Variants in RBM15B observed in about 807,000 individuals in gnomAD.
RBM15B encodes putative RNA-binding protein 15B.
RBM15B carries 11 observed loss-of-function variants against 53.3 expected under a neutral mutation model. The observed-to-expected ratio is 0.21, with a 90% confidence interval of 0.13 to 0.34. The LOEUF is 0.34. Ranked by LOEUF, RBM15B falls within the 10% of genes least tolerant of loss-of-function variation. The probability of loss-of-function intolerance (pLI) is 1.00; values close to 1 mark genes in which losing one functional copy is unlikely to be tolerated. For synonymous variants in RBM15B, 631 were observed against 540.7 expected (o/e 1.17, Z -2.32); for missense variants, 1,136 against 1,250.3 (o/e 0.91, Z 1.38).
Position 51,392,620 on chromosome 3 carries a change from T to A in RBM15B, c.1221T>A (p.Ile407=). Residue 407 remains isoleucine, a synonymous_variant, in exon 1 of 1, where the codon ATT becomes ATA. Coordinates refer to ENST00000563281, the MANE Select transcript of RBM15B (RefSeq NM_013286.5). The surrounding 1 kb of genome is among the most constrained non-coding windows in gnomAD (Gnocchi z 7.5). The part of the protein sequence containing the change: ...MSGRVIGRNP[I]KIGYGKANPT... The stretch of plus-strand genomic sequence containing the variant: ...GCCGAGTGATTGGTCGCAACCCCAT[T>A]AAGATAGGCTATGGCAAGGCCAACC... 1 of 1,614,000 alleles carries A rather than the reference T, an allele frequency of 6.2e-7. No homozygotes were observed. Among genetic ancestry groups the A allele is most frequent in the African/African-American group, 1.3e-5 (1 of 75,028 alleles).
rs2089064779 is a variant in RBM15B, at chr3:51,393,001, A to G, written c.1602A>G (p.Pro534=). The G allele has an allele frequency of 1.9e-6, 3 of 1,613,696 alleles. No homozygotes were observed. Among genetic ancestry groups the G allele is most frequent in the Non-Finnish European group, 2.5e-6 (3 of 1,179,954 alleles). The part of the protein sequence containing the change: ...DADLVRDRTP[P]HLLYSDRDRT... ...ACCTGGTGCGGGACAGGACGCCCCC[A>G]CACCTTCTGTACTCAGACCGAGACC... Residue 534 remains proline (P), a synonymous_variant, in exon 1 of 1, where the codon CCA becomes CCG. Coordinates refer to ENST00000563281, the MANE Select transcript of RBM15B (RefSeq NM_013286.5). The surrounding 1 kb of genome is among the most constrained non-coding windows in gnomAD (Gnocchi z 5.6).
rs1193872143 is a variant in RBM15B at position 51,393,481 on chromosome 3, G to A, written c.2082G>A (p.Glu694=). Reference sequence around the variant, plus strand: ...GCAATCACCGGACCACAGAGGCCGAGCCCAAGCCTCTGGAAGAGCCAAAAC... The same window carrying A: ...GCAATCACCGGACCACAGAGGCCGAACCCAAGCCTCTGGAAGAGCCAAAAC... ...SERNHRTTEA[E]PKPLEEPKHE... Residue 694 remains glutamate, a synonymous_variant, in exon 1 of 1, where the codon GAG becomes GAA. Coordinates refer to ENST00000563281, the MANE Select transcript of RBM15B (RefSeq NM_013286.5). This position sits in a 1 kb window ranked among gnomAD's most constrained non-coding sequence, Gnocchi z 5.6. The A allele has an allele frequency of 1.2e-6, 2 of 1,613,860 alleles. No individual in the cohort carries two copies. The highest frequency in any genetic ancestry group is 1.1e-5 in the South Asian group (1 of 91,088).
Position 51,393,356 on chromosome 3 carries a change from C to A in RBM15B, c.1957C>A (p.Leu653Ile). ...EGTKESSSNS[L>I]SNSRHGAEER... ...GACCAAGGAGTCCAGCAGCAACTCC[C>A]TCAGCAACAGCAGACATGGGGCTGA... The change falls in exon 1 of 1, where the codon CTC becomes ATC. Residue 653 changes from leucine (L) to isoleucine (I), a missense_variant. Coordinates refer to ENST00000563281, the MANE Select transcript of RBM15B (RefSeq NM_013286.5). This position sits in a 1 kb window ranked among gnomAD's most constrained non-coding sequence, Gnocchi z 5.6. The A allele has an allele frequency of 6.2e-7, 1 of 1,613,040 alleles. No homozygotes were observed. The highest frequency in any genetic ancestry group is 2.2e-5 in the East Asian group (1 of 44,842).
Position 51,393,272 on chromosome 3 carries a change from G to A in RBM15B, c.1873G>A (p.Glu625Lys). Reference sequence around the variant, plus strand: ...GACCAAGGGCAGTGGGCAGCAGTCAGAGCGGGGCTCCGACCGCACCCCTGA... The same window carrying A: ...GACCAAGGGCAGTGGGCAGCAGTCAAAGCGGGGCTCCGACCGCACCCCTGA... ...SRTKGSGQQS[E>K]RGSDRTPERS... The change falls in exon 1 of 1, where the codon GAG (glutamate) becomes AAG (lysine). Residue 625 changes from glutamate (E) to lysine (K), a missense_variant. Physicochemically the swap from Glu to Lys is moderately conservative, Grantham distance 56. Around this residue, in one of 7 missense-constraint regions of RBM15B, gnomAD observed 578 missense variants for 581.6 expected, o/e 0.99. Coordinates refer to ENST00000563281, the MANE Select transcript of RBM15B (RefSeq NM_013286.5). This position sits in a 1 kb window ranked among gnomAD's most constrained non-coding sequence, Gnocchi z 5.6. 6.2e-7 allele frequency: 1 copy of A among 1,612,548 alleles called. No homozygotes were observed. Among genetic ancestry groups the A allele is most frequent in the Non-Finnish European group, 8.5e-7 (1 of 1,179,348 alleles).
rs898812837 is a variant in RBM15B, at chr3:51,394,179, A to G, written c.*107A>G. 6 of 1,263,924 alleles carry G rather than the reference A, an allele frequency of 4.7e-6. No individual in the cohort carries two copies. The highest frequency in any genetic ancestry group is 7.8e-5 in the Admixed American group (2 of 25,716). The allele number at this position is 1,263,924 out of a possible 1,614,324, so 78.3% of individuals were successfully genotyped here. On this transcript the variant is annotated 3_prime_UTR_variant, in exon 1 of 1. Transcript: ENST00000563281. ...TTTGGTTTGAATTATCTCCTGGGTT[A>G]TTTTGGTTCATTTGGGTGGGGATCA...
In RBM15B at chr3:51,395,751, GGT is replaced by G. The variant is rs2089159431; in HGVS notation, c.*1680_*1681del. ...TGGGGCTCACTGCAGGCTGTGGAGA[GGT>G]CATGCTGGTCCACAGGAACACTTGG... On this transcript the variant is annotated 3_prime_UTR_variant, in exon 1 of 1. Coordinates refer to ENST00000563281, the MANE Select transcript of RBM15B (RefSeq NM_013286.5). 7 of 413,354 alleles carry G rather than the reference GGT, an allele frequency of 1.7e-5. No homozygotes were observed. Among genetic ancestry groups the G allele is most frequent in the Non-Finnish European group, 3.1e-5 (7 of 226,150 alleles). 25.6% of individuals were successfully genotyped at this position (413,354 alleles called of 1,614,324 possible). A position where few individuals can be genotyped will look rare whatever the true frequency, so the allele number is the denominator to read the frequency against.
rs143687792 is a variant in RBM15B, at chr3:51,393,478, C to T, written c.2079C>T (p.Ala693=). Residue 693 remains alanine (A), a synonymous_variant, in exon 1 of 1, where the codon GCC becomes GCT. Coordinates refer to ENST00000563281, the MANE Select transcript of RBM15B (RefSeq NM_013286.5). The surrounding 1 kb of genome is among the most constrained non-coding windows in gnomAD (Gnocchi z 5.6). ...DSERNHRTTE[A]EPKPLEEPKH... is the part of the protein sequence containing the mutation. ...AGCGCAATCACCGGACCACAGAGGC[C>T]GAGCCCAAGCCTCTGGAAGAGCCAA... The T allele has an allele frequency of 4.3e-6, 7 of 1,613,904 alleles. No individual in the cohort carries two copies. The highest frequency in any genetic ancestry group is 2.2e-5 in the East Asian group (1 of 44,878).
At position 51,393,307 on chromosome 3, in the gene RBM15B, C is replaced by T; in HGVS notation, c.1908C>T (p.Arg636=). 1 of 1,610,070 alleles carries T rather than the reference C, an allele frequency of 6.2e-7. No individual in the cohort carries two copies. The highest frequency in any genetic ancestry group is 8.5e-7 in the Non-Finnish European group (1 of 1,178,254). The part of the protein sequence containing the change: ...RGSDRTPERS[R]KENHSSEGTK... The stretch of plus-strand genomic sequence containing the variant: ...CCGACCGCACCCCTGAGCGCAGCCG[C>T]AAGGAGAACCACTCCAGTGAAGGGA... The change falls in exon 1 of 1, where the codon CGC becomes CGT. Residue 636 remains arginine (R), a synonymous_variant. Coordinates refer to ENST00000563281, the MANE Select transcript of RBM15B (RefSeq NM_013286.5). The surrounding 1 kb of genome is among the most constrained non-coding windows in gnomAD (Gnocchi z 5.6).
In RBM15B at chr3:51,392,263, G is replaced by A. The variant is rs1006017481; in HGVS notation, c.864G>A (p.Leu288=). 6 of 1,600,514 alleles carry A rather than the reference G, an allele frequency of 3.7e-6. No homozygotes were observed. Among genetic ancestry groups the A allele is most frequent in the Non-Finnish European group, 4.2e-6 (5 of 1,176,886 alleles). ...GTCACGCCGCCGCAGCCTTCGCCCT[G>A]GATGCCGCTGCTGCCGCCGCCGTGG... is the stretch of plus-strand genomic sequence containing the variant. ...RARHAAAAFA[L]DAAAAAAVGL... The change falls in exon 1 of 1, where the codon CTG becomes CTA. Residue 288 remains leucine, a synonymous_variant. Coordinates refer to ENST00000563281, the MANE Select transcript of RBM15B (RefSeq NM_013286.5). This position sits in a 1 kb window ranked among gnomAD's most constrained non-coding sequence, Gnocchi z 7.5.
rs150568658 is a variant in RBM15B, at chr3:51,396,197, G to A, written c.*2125G>A. 29 of 355,398 alleles carry A rather than the reference G, an allele frequency of 8.2e-5. No individual in the cohort carries two copies. The highest frequency in any genetic ancestry group is 5.2e-4 in the African/African-American group (25 of 47,724). 22.0% of individuals were successfully genotyped at this position (355,398 alleles called of 1,614,324 possible). A position where few individuals can be genotyped will look rare whatever the true frequency, so the allele number is the denominator to read the frequency against. ...AGAATCATCTACCTCCCAGCTTTGT[G>A]AGACAGAACCAAGTAAAAGGAAACA... On this transcript the variant is annotated 3_prime_UTR_variant, in exon 1 of 1. Transcript: ENST00000563281.
chr3:51,392,219 C>T lies in RBM15B; in HGVS notation c.820C>T (p.Leu274=), dbSNP rs782004110. The change falls in exon 1 of 1, where the codon CTG becomes TTG. Residue 274 remains leucine, a synonymous_variant. Transcript: ENST00000563281. This position sits in a 1 kb window ranked among gnomAD's most constrained non-coding sequence, Gnocchi z 7.5. ...GCTGTCCCCCGTCGCTGCCCCGCCC[C>T]TGCGGGAGCCCCGTGCCCGTCACGC... ...RSLSPVAAPP[L]REPRARHAAA... is the part of the protein sequence containing the mutation. The T allele has an allele frequency of 1.9e-5, 30 of 1,556,538 alleles. No individual in the cohort carries two copies. Among genetic ancestry groups the T allele is most frequent in the Admixed American group, 5.7e-5 (3 of 52,396 alleles).
At position 51,395,374 on chromosome 3, in the gene RBM15B, G is replaced by A. The variant is rs1413445961; in HGVS notation, c.*1302G>A. ...CACTCAAGCCAGTTGGGGAGGAAAGGGATGCGGAGGTACCCTCTAGCTGGG... is the reference window on the plus strand; with the variant it reads ...CACTCAAGCCAGTTGGGGAGGAAAGAGATGCGGAGGTACCCTCTAGCTGGG... On this transcript the variant is annotated 3_prime_UTR_variant, in exon 1 of 1. Coordinates refer to ENST00000563281, the MANE Select transcript of RBM15B (RefSeq NM_013286.5). 5.9e-6 allele frequency: 1 copy of A among 170,426 alleles called. No homozygotes were observed. Among genetic ancestry groups the A allele is most frequent in the Non-Finnish European group, 1.4e-5 (1 of 70,454 alleles). 10.6% of individuals were successfully genotyped at this position (170,426 alleles called of 1,614,324 possible). A position where few individuals can be genotyped will look rare whatever the true frequency, so the allele number is the denominator to read the frequency against.
chr3:51,392,237 C>A lies in RBM15B; in HGVS notation c.838C>A (p.Arg280Ser), dbSNP rs782347986. 1 of 1,574,228 alleles carries A rather than the reference C, an allele frequency of 6.4e-7. No homozygotes were observed. The highest frequency in any genetic ancestry group is 1.8e-5 in the Admixed American group (1 of 54,942). Residue 280 changes from arginine (R) to serine (S), a missense_variant, in exon 1 of 1, where the codon CGT (arginine) becomes AGT (serine). Transcript: ENST00000563281. This position sits in a 1 kb window ranked among gnomAD's most constrained non-coding sequence, Gnocchi z 7.5. ...CCCGCCCCTGCGGGAGCCCCGTGCC[C>A]GTCACGCCGCCGCAGCCTTCGCCCT... ...AAPPLREPRA[R>S]HAAAAFALDA... is the part of the protein sequence containing the mutation.
rs1553621521 is a variant in RBM15B, at chr3:51,391,583, AGCGGCGGGG to A, written c.189_197del (p.Gly64_Gly66del). 3 of 1,173,858 alleles carry A rather than the reference AGCGGCGGGG, an allele frequency of 2.6e-6. No individual in the cohort carries two copies. The highest frequency in any genetic ancestry group is 3.2e-6 in the Non-Finnish European group (3 of 951,778). The allele number at this position is 1,173,858 out of a possible 1,614,324, so 72.7% of individuals were successfully genotyped here. A position where few individuals can be genotyped will look rare whatever the true frequency, so the allele number is the denominator to read the frequency against. ...CCGCGACAAACCCCGCGGCAGCGGA[AGCGGCGGGG>A]GCGGGCATCGCGACGGCCGCGGCAC... On this transcript the variant is annotated inframe_deletion, in exon 1 of 1. Coordinates refer to ENST00000563281, the MANE Select transcript of RBM15B (RefSeq NM_013286.5). The surrounding 1 kb of genome is among the most constrained non-coding windows in gnomAD (Gnocchi z 4.5).
chr3:51,391,727 C>A lies in RBM15B; in HGVS notation c.328C>A (p.Pro110Thr). Residue 110 changes from proline (P) to threonine (T), a missense_variant, in exon 1 of 1, where the codon CCC (proline) becomes ACC (threonine). By Grantham distance (38) the Pro-to-Thr change is conservative (BLOSUM62 -1). Around this residue, in one of 7 missense-constraint regions of RBM15B, gnomAD observed 257 missense variants for 261.1 expected, o/e 0.98. Coordinates refer to ENST00000563281, the MANE Select transcript of RBM15B (RefSeq NM_013286.5). The surrounding 1 kb of genome is among the most constrained non-coding windows in gnomAD (Gnocchi z 4.5). Reference protein sequence around the residue: ...SGDPGASGMSPRASPLPPPPP... With the variant: ...SGDPGASGMSTRASPLPPPPP... ...GGACCCGGGCGCCTCCGGCATGTCG[C>A]CCCGCGCGTCTCCTCTGCCGCCGCC... 6.8e-7 allele frequency: 1 copy of A among 1,469,564 alleles called. No homozygotes were observed. Among genetic ancestry groups the A allele is most frequent in the Non-Finnish European group, 8.9e-7 (1 of 1,121,266 alleles). The allele number at this position is 1,469,564 out of a possible 1,614,324, so 91.0% of individuals were successfully genotyped here.
At position 51,396,131 on chromosome 3, in the gene RBM15B, C is replaced by A; in HGVS notation, c.*2059C>A. ...TTAAGTCCAAAACTTCTTCTCTGGGCTACCTATCTTCCTTCATGAAGCAGG... is the reference window on the plus strand; with the variant it reads ...TTAAGTCCAAAACTTCTTCTCTGGGATACCTATCTTCCTTCATGAAGCAGG... On this transcript the variant is annotated 3_prime_UTR_variant, in exon 1 of 1. Coordinates refer to ENST00000563281, the MANE Select transcript of RBM15B (RefSeq NM_013286.5). 2.5e-6 allele frequency: 1 copy of A among 404,476 alleles called. No individual in the cohort carries two copies. Among genetic ancestry groups the A allele is most frequent in the Non-Finnish European group, 4.5e-6 (1 of 220,988 alleles). 25.1% of individuals were successfully genotyped at this position (404,476 alleles called of 1,614,324 possible).
At position 51,392,767 on chromosome 3, in the gene RBM15B, C is replaced by G. The variant is rs139792101; in HGVS notation, c.1368C>G (p.Ala456=). 1.2e-6 allele frequency: 2 copies of G among 1,614,164 alleles called. No homozygotes were observed. Among genetic ancestry groups the G allele is most frequent in the Non-Finnish European group, 1.7e-6 (2 of 1,180,034 alleles). ...TIDHVKGDSF[A]YIQYESLDAA... is the part of the protein sequence containing the mutation. ...ATCACGTCAAAGGAGATAGCTTTGC[C>G]TATATTCAGTACGAGAGCTTGGACG... Residue 456 remains alanine, a synonymous_variant, in exon 1 of 1, where the codon GCC becomes GCG. Transcript: ENST00000563281. The surrounding 1 kb of genome is among the most constrained non-coding windows in gnomAD (Gnocchi z 7.5).
In RBM15B at chr3:51,392,838, G is replaced by C. The variant is rs782608053; in HGVS notation, c.1439G>C (p.Gly480Ala). Residue 480 changes from glycine (G) to alanine (A), a missense_variant, in exon 1 of 1, where the codon GGA becomes GCA. This residue lies in a region of RBM15B where 578 missense variants were observed against 581.6 expected (regional missense o/e 0.99). Transcript: ENST00000563281. This position sits in a 1 kb window ranked among gnomAD's most constrained non-coding sequence, Gnocchi z 7.5. ...CAKMRGFPLG[G>A]PDRRLRVDFA... ...AAAATGAGGGGTTTTCCCTTGGGTG[G>C]ACCAGACCGCAGGCTCCGCGTGGAT... The C allele has an allele frequency of 2.7e-5, 43 of 1,613,916 alleles. No individual in the cohort carries two copies. Among genetic ancestry groups the C allele is most frequent in the Non-Finnish European group, 3.6e-5 (43 of 1,180,042 alleles).
chr3:51,397,589 G>GCTGCGTCC lies in RBM15B; in HGVS notation c.*3518_*3525dup, dbSNP rs2089288418. The GCTGCGTCC allele has an allele frequency of 6.0e-6, 1 of 167,114 alleles. No individual in the cohort carries two copies. 10.4% of individuals were successfully genotyped at this position (167,114 alleles called of 1,614,324 possible). A position where few individuals can be genotyped will look rare whatever the true frequency, so the allele number is the denominator to read the frequency against. ...TGGATCCAGAACATGACAACAGAGA[G>GCTGCGTCC]CTGCGTCCACAGGGAACAAAGCCCT... On this transcript the variant is annotated 3_prime_UTR_variant, in exon 1 of 1. Coordinates refer to ENST00000563281, the MANE Select transcript of RBM15B (RefSeq NM_013286.5).
Sources: gnomAD v4.1 joint callset for allele counts on GRCh38, gnomAD v4.1.1 for gene constraint, gnomAD v4.1.1 regional missense constraint, Gnocchi (gnomAD v3.1) non-coding constraint, MANE v1.5 for transcripts, NCBI Gene and HGNC (gene_info 2026-07-23, HGNC 2026-07-21) for gene names.